AKAP11: variants seen among roughly 807,000 people sequenced by gnomAD.
The protein encoded by AKAP11 is A-kinase anchor protein 11.
AKAP11 carries 36 observed loss-of-function variants against 146.1 expected under a neutral mutation model. The ratio of observed to expected loss-of-function variants is 0.25; its 90% CI spans 0.19 to 0.33. The LOEUF (loss-of-function observed/expected upper bound fraction) is 0.33. Among genes scored for constraint, AKAP11 ranks in the 10% least tolerant of loss-of-function variants. The pLI is 1.00. For missense variants in AKAP11, 2,201 were observed against 2,197.0 expected (o/e 1.00, Z -0.04); for synonymous variants, 780 against 786.5 (o/e 0.99, Z 0.14).
chr13:42,305,514 T>C (rs1960207065), intron 8 of AKAP11, among the ~76,000 whole-genome samples: 1 of 152,154 alleles, frequency 6.6e-6, no homozygotes, highest in South Asian at 2.1e-4. Context: ...TAAGAACAGA[T>C]TTCATGTTTT....
Position 42,302,095 on chromosome 13 carries a change from A to G in AKAP11, c.3349A>G (p.Ile1117Val), listed in dbSNP as rs769641338. 8.1e-6 allele frequency: 13 copies of G among 1,614,100 alleles called. No individual in the cohort carries two copies. The Middle Eastern group carries it at 6.6e-4, about 82-fold the overall frequency. Residue 1117 changes from isoleucine (I) to valine (V), a missense_variant, in exon 8 of 13, where the codon ATC (isoleucine) becomes GTC (valine). By Grantham distance (29) the Ile-to-Val change is conservative. Around this residue, in one of 3 missense-constraint regions of AKAP11, gnomAD observed 1,867 missense variants for 1,833.5 expected, o/e 1.02. Transcript: ENST00000025301. ...ATCCCGGGCTAGTTCTGAATGGGAT[A>G]TCAAGAAGTTAACTAAAAAGCTCAA... ...VPSRASSEWD[I>V]KKLTKKLKGE...
At position 42,313,489 on chromosome 13, in the gene AKAP11, G is replaced by C. The variant is rs373249965; in HGVS notation, c.5357+359G>C. 2.6e-5 allele frequency among the ~76,000 whole-genome samples: 4 copies of C among 151,930 alleles called. No individual in the cohort carries two copies. In the East Asian group the frequency reaches 5.8e-4, roughly 22 times the overall value. On this transcript the variant is annotated intron_variant, in intron 10 of 12. Coordinates refer to ENST00000025301, the MANE Select transcript of AKAP11 (RefSeq NM_016248.4). ...TTATTTTATATATAAGAAAAGTATAGGTAAAAAGTGTTTTTACTGTATTAA... is the reference window on the plus strand; with the variant it reads ...TTATTTTATATATAAGAAAAGTATACGTAAAAAGTGTTTTTACTGTATTAA...
chr13:42,292,617 A>G (rs559065703), intron 4 of AKAP11, 116 bp downstream of exon 4: 4 of 567,316 alleles, frequency 7.1e-6, no homozygotes, highest in South Asian at 5.1e-5. Flanking sequence ...TTGTTGTTAC[A>G]TGTATCAGAA....
chr13:42,299,897 C>T lies in AKAP11; in HGVS notation c.1151C>T (p.Ser384Leu), dbSNP rs778932610. 1.4e-5 allele frequency: 22 copies of T among 1,613,770 alleles called. 1 individual carries two copies. In the Middle Eastern group the frequency reaches 8.2e-4, roughly 60 times the overall value. Residue 384 changes from serine to leucine, a missense_variant, in exon 8 of 13, where the codon TCG becomes TTG. This residue lies in a region of AKAP11 where 1,867 missense variants were observed against 1,833.5 expected (regional missense o/e 1.02). Transcript: ENST00000025301. The part of the protein sequence containing the change: ...FNKDPVIGKS[S>L]QRKGHKHGKS... ...AAAGATCCCGTCATAGGGAAGTCATCGCAGAGGAAAGGGCACAAACATGGA... is the reference window on the plus strand; with the variant it reads ...AAAGATCCCGTCATAGGGAAGTCATTGCAGAGGAAAGGGCACAAACATGGA...
In AKAP11 at chr13:42,299,373, T is replaced by C; in HGVS notation, c.627T>C (p.Ile209=). The change falls in exon 8 of 13, where the codon ATT becomes ATC. Residue 209 remains isoleucine, a synonymous_variant. Transcript: ENST00000025301. ...TSKPYNDGMN[I]TVLRSQCDAA... ...ATTCTTTTCCTATAGGAATGAACAT[T>C]ACTGTGCTAAGGAGCCAGTGTGATG... is the stretch of plus-strand genomic sequence containing the variant. 1.2e-6 allele frequency: 2 copies of C among 1,610,954 alleles called. No individual in the cohort carries two copies. The highest frequency in any genetic ancestry group is 1.7e-6 in the Non-Finnish European group (2 of 1,178,808).
Position 42,286,321 on chromosome 13 carries a change from C to A in AKAP11, c.-28C>A, listed in dbSNP as rs773122535. ...TTAGGTGTTTTGTGGATTAACTCTT[C>A]ATTGATTATATACAACAAAAAATAG... On this transcript the variant is annotated 5_prime_UTR_variant, in exon 3 of 13. Transcript: ENST00000025301. 1.7e-5 allele frequency: 26 copies of A among 1,512,524 alleles called. No homozygotes were observed. The highest frequency in any genetic ancestry group is 2.3e-5 in the Non-Finnish European group (26 of 1,112,844). 93.7% of individuals were successfully genotyped at this position (1,512,524 alleles called of 1,614,324 possible). A position where few individuals can be genotyped will look rare whatever the true frequency, so the allele number is the denominator to read the frequency against.
At chr13:42,296,937 G>T in intron 5 of AKAP11, 111 bp from the exon 6 acceptor site, 2 of 832,604 alleles carry the variant, frequency 2.4e-6, no homozygotes, top group Non-Finnish European at 3.6e-6. Context: ...TTATGAACCA[G>T]GAAATTCACT....
Position 42,311,458 on chromosome 13 carries a change from A to G in AKAP11, c.5274-1589A>G, listed in dbSNP as rs188639342. ...GTCTTTAAAAAAGTGTCCTGGTTAG[A>G]TGAAAAATGTATACAGTCACCTAGT... On this transcript the variant is annotated intron_variant, in intron 9 of 12. Coordinates refer to ENST00000025301, the MANE Select transcript of AKAP11 (RefSeq NM_016248.4). Among the ~76,000 whole-genome samples, 12 of 152,344 alleles carry G rather than the reference A, an allele frequency of 7.9e-5. No individual in the cohort carries two copies. In the East Asian group the frequency reaches 2.1e-3, roughly 27 times the overall value.
rs774798232 is a variant in AKAP11, at chr13:42,303,575, G to T, written c.4829G>T (p.Gly1610Val). 5 of 1,614,030 alleles carry T rather than the reference G, an allele frequency of 3.1e-6. No homozygotes were observed. Among genetic ancestry groups the T allele is most frequent in the South Asian group, 2.2e-5 (2 of 91,090 alleles). ...TCATCTCAGCACTTTTTCAGACAGG[G>T]TTCTCTCGCCAGTAGTAAGCCAGCT... ...GNSSQHFFRQ[G>V]SLASSKPASN... is the part of the protein sequence containing the mutation. Residue 1610 changes from glycine to valine, a missense_variant, in exon 8 of 13, where the codon GGT (glycine) becomes GTT (valine). Physicochemically the swap from Gly to Val is moderately radical, Grantham distance 109. Coordinates refer to ENST00000025301, the MANE Select transcript of AKAP11 (RefSeq NM_016248.4).
At position 42,300,070 on chromosome 13, in the gene AKAP11, G is replaced by A. The variant is rs765376633; in HGVS notation, c.1324G>A (p.Glu442Lys). 1.1e-5 allele frequency: 18 copies of A among 1,613,788 alleles called. No individual in the cohort carries two copies. In the South Asian group the frequency reaches 1.9e-4, roughly 17 times the overall value. Residue 442 changes from glutamate to lysine, a missense_variant, in exon 8 of 13, where the codon GAA becomes AAA. This residue lies in a region of AKAP11 where 1,867 missense variants were observed against 1,833.5 expected (regional missense o/e 1.02). Transcript: ENST00000025301. ...DSPRPVKASR[E>K]DSGLFSPIRS... The stretch of plus-strand genomic sequence containing the variant: ...TCCTCGCCCAGTGAAGGCATCAAGG[G>A]AAGATAGTGGTTTATTTAGTCCTAT...
intron 1 of AKAP11, among the ~76,000 whole-genome samples, chr13:42,282,797 C>G (rs1455070794): frequency 1.3e-5 from 2 of 152,134 alleles, no homozygotes; most frequent in Non-Finnish European, 2.9e-5. Context: ...TCTTTCTTGT[C>G]TCTCATCTGC....
chr13:42,272,595 C>T (rs1395305934), intron 1 of AKAP11, among the ~76,000 whole-genome samples: 1 of 149,674 alleles, frequency 6.7e-6, no homozygotes, highest in Non-Finnish European at 1.5e-5. Flanking sequence ...GTGCGTGGTG[C>T]GCGTGCTTAG....
intron 10 of AKAP11, 101 bp from the exon 11 acceptor site, chr13:42,313,792 CA>C: frequency 2.1e-6 from 2 of 939,048 alleles, no homozygotes; most frequent in Non-Finnish European, 3.3e-6. Flanking sequence ...TGTCATATGT[CA>C]TATTGTAACA....
intron 1 of AKAP11, among the ~76,000 whole-genome samples, chr13:42,279,626 A>G (rs1959016093): frequency 6.6e-6 from 1 of 152,096 alleles, no homozygotes; most frequent in African/African-American, 2.4e-5. Context: ...TATTTGTACT[A>G]TAGTTTTACA....
chr13:42,317,377 A>T, intron 11 of AKAP11, 151 bp from the exon 12 acceptor site: 1 of 730,312 alleles, frequency 1.4e-6, no homozygotes, highest in Non-Finnish European at 2.1e-6. Context: ...GTTTTAGTTG[A>T]GGTTATGGTG....
chr13:42,301,475 C>A lies in AKAP11; in HGVS notation c.2729C>A (p.Ser910Tyr), dbSNP rs777321599. 6.2e-7 allele frequency: 1 copy of A among 1,613,394 alleles called. No individual in the cohort carries two copies. Among genetic ancestry groups the A allele is most frequent in the Admixed American group, 1.7e-5 (1 of 59,902 alleles). Reference protein sequence around the residue: ...VDERTDYLTKSLKEKTPPFSH... With the variant: ...VDERTDYLTKYLKEKTPPFSH... ...GAACGTACAGATTATTTAACTAAAT[C>A]TTTAAAGGAGAAAACCCCTCCATTT... Residue 910 changes from serine (S) to tyrosine (Y), a missense_variant, in exon 8 of 13, where the codon TCT becomes TAT. Physicochemically the swap from Ser to Tyr is moderately radical, Grantham distance 144. Around this residue, in one of 3 missense-constraint regions of AKAP11, gnomAD observed 1,867 missense variants for 1,833.5 expected, o/e 1.02. Transcript: ENST00000025301.
chr13:42,280,324 A>G (rs890114733), intron 1 of AKAP11, among the ~76,000 whole-genome samples: 2 of 152,196 alleles, frequency 1.3e-5, no homozygotes, highest in Non-Finnish European at 2.9e-5. Context: ...TTAATTTTTA[A>G]CACTTGGCCA....
In AKAP11 at chr13:42,284,996, T is replaced by C. The variant is rs200188198; in HGVS notation, c.-99-990T>C. 2.0e-5 allele frequency among the ~76,000 whole-genome samples: 3 copies of C among 152,334 alleles called. No individual in the cohort carries two copies. The East Asian group carries it at 5.8e-4, about 29-fold the overall frequency. ...TTGTCTAAAAATTAAAATGTAGAAA[T>C]CTCTAAAGAAGTGTGTGTGTTTGTG... On this transcript the variant is annotated intron_variant, in intron 1 of 12. Transcript: ENST00000025301.
At chr13:42,280,512 C>T (rs1211916229) in intron 1 of AKAP11, among the ~76,000 whole-genome samples, 2 of 152,142 alleles carry the variant, frequency 1.3e-5, no homozygotes, top group Non-Finnish European at 2.9e-5. Flanking sequence ...TATTTTTCAG[C>T]CTACATCATG....
Sources: allele counts gnomAD v4.1 joint callset (sites outside exome capture counted in the v4.1 genomes callset), GRCh38; gene constraint gnomAD v4.1.1; regional missense constraint gnomAD v4.1.1; transcripts MANE v1.5; gene names NCBI Gene and HGNC (gene_info 2026-07-23, HGNC 2026-07-21).